SH3GL2: variants seen among roughly 807,000 people sequenced by gnomAD.
SH3GL2 encodes endophilin-A1.
A neutral mutation model predicts 46.0 loss-of-function variants in SH3GL2; 24 were observed. The observed-to-expected ratio is 0.52, with a 90% CI of 0.38 to 0.73. SH3GL2 has a LOEUF of 0.73. Among genes scored for constraint, SH3GL2 ranks in the 30% least tolerant of loss-of-function variants. The pLI is 0.00. For synonymous variants in SH3GL2, 196 were observed against 147.1 expected (o/e 1.33, Z -2.40); for missense variants, 413 against 424.2 (o/e 0.97, Z 0.23).
At chr9:17,586,181 A>T (rs1405514802) in intron 1 of SH3GL2, among the ~76,000 whole-genome samples, 1 of 152,152 alleles carries the variant, frequency 6.6e-6, no homozygotes, top group Non-Finnish European at 1.5e-5. Context: ...CAACTTCTAA[A>T]TGCCAAATAT....
At chr9:17,606,274 A>G (rs567476461) in intron 1 of SH3GL2, among the ~76,000 whole-genome samples, 5 of 152,108 alleles carry the variant, frequency 3.3e-5, no homozygotes, top group African/African-American at 7.2e-5. Context: ...TGGAGTTTTA[A>G]TAGAGACGAG....
chr9:17,611,281 A>C (rs1818859781), intron 1 of SH3GL2, among the ~76,000 whole-genome samples: 1 of 152,202 alleles, frequency 6.6e-6, no homozygotes, highest in Non-Finnish European at 1.5e-5. Flanking sequence ...GTTATTTCAT[A>C]GGGTAAACGT....
At chr9:17,658,699 G>A (rs1170701877) in intron 1 of SH3GL2, among the ~76,000 whole-genome samples, 4 of 152,190 alleles carry the variant, frequency 2.6e-5, no homozygotes, top group African/African-American at 9.6e-5. Flanking sequence ...GAGGAGAGCT[G>A]TTAGAAATTA....
intron 1 of SH3GL2, among the ~76,000 whole-genome samples, chr9:17,586,738 C>T (rs1013682406): frequency 4.6e-5 from 7 of 152,200 alleles, no homozygotes; most frequent in South Asian, 2.1e-4. Context: ...ATCACGAGAA[C>T]AGTGTGGCGG....
intron 1 of SH3GL2, among the ~76,000 whole-genome samples, chr9:17,588,629 C>G (rs1018620487): frequency 1.3e-5 from 2 of 152,138 alleles, no homozygotes; most frequent in Admixed American, 6.6e-5. Context: ...AGACCCACAG[C>G]CTTGAAGAAT....
At chr9:17,583,186 T>C (rs1357636819) in intron 1 of SH3GL2, among the ~76,000 whole-genome samples, 1 of 152,212 alleles carries the variant, frequency 6.6e-6, no homozygotes, top group Non-Finnish European at 1.5e-5. Flanking sequence ...GTTCAGCCTA[T>C]AAATAACATA....
intron 1 of SH3GL2, among the ~76,000 whole-genome samples, chr9:17,725,614 G>A (rs2118374328): frequency 6.6e-6 from 1 of 152,242 alleles, no homozygotes; most frequent in South Asian, 2.1e-4. Flanking sequence ...TTGTGGTGAT[G>A]GTGGCTCTGG....
chr9:17,724,129 A>G (rs949404050), intron 1 of SH3GL2, among the ~76,000 whole-genome samples: 9 of 151,866 alleles, frequency 5.9e-5, no homozygotes, highest in South Asian at 2.1e-4. Context: ...TTGGTTTGCT[A>G]ACTGCTATCC....
At chr9:17,642,762 A>G (rs766032348) in intron 1 of SH3GL2, among the ~76,000 whole-genome samples, 1 of 152,104 alleles carries the variant, frequency 6.6e-6, no homozygotes, top group Non-Finnish European at 1.5e-5. Context: ...GTAGCCTTGT[A>G]TAGTTTGAAG....
chr9:17,689,194 C>G lies in SH3GL2; in HGVS notation c.46-57872C>G, dbSNP rs1054895027. Among the ~76,000 whole-genome samples, 7 of 152,104 alleles carry G rather than the reference C, an allele frequency of 4.6e-5. No individual in the cohort carries two copies. The East Asian group carries it at 1.4e-3, about 29-fold the overall frequency. Reference sequence around the variant, plus strand: ...GAAAGAAACACCAGAAAACCCCCAACAGAGGGTCATCCTATAATATACCTG... The same window carrying G: ...GAAAGAAACACCAGAAAACCCCCAAGAGAGGGTCATCCTATAATATACCTG... On this transcript the variant is annotated intron_variant, in intron 1 of 8. Transcript: ENST00000380607.
chr9:17,719,849 A>G (rs1312139547), intron 1 of SH3GL2, among the ~76,000 whole-genome samples: 1 of 151,632 alleles, frequency 6.6e-6, no homozygotes, highest in African/African-American at 2.4e-5. Flanking sequence ...AAAATGTAAT[A>G]CTGTGTGAAG....
At chr9:17,686,113 C>G (rs1447034484) in intron 1 of SH3GL2, among the ~76,000 whole-genome samples, 1 of 138,116 alleles carries the variant, frequency 7.2e-6, no homozygotes, top group Non-Finnish European at 1.5e-5. Flanking sequence ...ACAACCCCAT[C>G]AAAAAGTGGG....
At chr9:17,743,490 C>G (rs1015230203) in intron 1 of SH3GL2, among the ~76,000 whole-genome samples, 1 of 151,904 alleles carries the variant, frequency 6.6e-6, no homozygotes, top group Non-Finnish European at 1.5e-5. Flanking sequence ...AAGAGGAAAG[C>G]TCTCTCTTGT....
At chr9:17,613,542 A>G (rs904740820) in intron 1 of SH3GL2, among the ~76,000 whole-genome samples, 1 of 152,214 alleles carries the variant, frequency 6.6e-6, no homozygotes, top group African/African-American at 2.4e-5. Flanking sequence ...GGAAGGTAAC[A>G]TTCTTCCCTT....
intron 3 of SH3GL2, among the ~76,000 whole-genome samples, chr9:17,782,284 C>T (rs1416044853): frequency 3.3e-5 from 5 of 152,032 alleles, no homozygotes; most frequent in Non-Finnish European, 1.5e-5. Flanking sequence ...CTTGGGAACT[C>T]TCTTTTTCGG....
intron 1 of SH3GL2, among the ~76,000 whole-genome samples, chr9:17,723,170 G>A (rs1453280241): frequency 6.6e-6 from 1 of 152,066 alleles, no homozygotes; most frequent in Non-Finnish European, 1.5e-5. Flanking sequence ...TTTGTACAAA[G>A]CTTTCATAAT....
At chr9:17,687,770 C>G (rs1445227143) in intron 1 of SH3GL2, among the ~76,000 whole-genome samples, 1 of 151,926 alleles carries the variant, frequency 6.6e-6, no homozygotes, top group Non-Finnish European at 1.5e-5. Context: ...ACTTGTTAAA[C>G]CAGAGAGAAA....
chr9:17,730,008 G>A (rs1359766088), intron 1 of SH3GL2, among the ~76,000 whole-genome samples: 1 of 152,108 alleles, frequency 6.6e-6, no homozygotes, highest in Non-Finnish European at 1.5e-5. Context: ...AAAGTCAATG[G>A]CAGCTTGATG....
intron 1 of SH3GL2, among the ~76,000 whole-genome samples, chr9:17,711,799 A>T (rs1010141808): frequency 4.6e-5 from 7 of 151,838 alleles, no homozygotes; most frequent in African/African-American, 1.7e-4. Flanking sequence ...ATATTCTTTT[A>T]ATGGATGTAT....
Sources: allele counts gnomAD v4.1 joint callset (sites outside exome capture counted in the v4.1 genomes callset), GRCh38; gene constraint gnomAD v4.1.1; transcripts MANE v1.5; gene names NCBI Gene and HGNC (gene_info 2026-07-23, HGNC 2026-07-21).